TPPP: variants seen among roughly 807,000 people sequenced by gnomAD.
TPPP encodes tubulin polymerization promoting protein.
TPPP carries 6 observed loss-of-function variants against 15.5 expected under a neutral mutation model. That is an observed-to-expected ratio of 0.39 (90% CI 0.21 to 0.77). The LOEUF (loss-of-function observed/expected upper bound fraction) is 0.77. TPPP is among the 30% of genes least tolerant of loss of function. The pLI is 0.42. For synonymous variants in TPPP, 146 were observed against 133.9 expected, an observed-to-expected ratio of 1.09 and a Z score of -0.63; for missense variants, 269 against 307.2, an observed-to-expected ratio of 0.88 and a Z score of 0.93.
At chr5:700,300 A>T in the TPPP span, among the ~76,000 whole-genome samples, 11,698 of 151,404 alleles carry the variant, frequency 0.077, 1,363 homozygotes, top group African/African-American at 0.27. Flanking sequence ...AGCAACATGG[A>T]TAGAGGCCAT....
chr5:670,252 A>T (rs1357902767), intron 2 of TPPP, among the ~76,000 whole-genome samples: 1 of 152,054 alleles, frequency 6.6e-6, no homozygotes, highest in Non-Finnish European at 1.5e-5. Flanking sequence ...ACCCTTGTGA[A>T]TCAGGAATGC....
At chr5:698,148 T>C (rs1168717783), upstream of TPPP, among the ~76,000 whole-genome samples, 2 of 150,834 alleles carry the variant, frequency 1.3e-5, no homozygotes, top group African/African-American at 4.9e-5. Flanking sequence ...AAATGAGGCA[T>C]AGAAGGAACA....
chr5:688,920 G>A (rs1412980626), intron 1 of TPPP, among the ~76,000 whole-genome samples: 2 of 117,854 alleles, frequency 1.7e-5, no homozygotes, highest in Admixed American at 8.3e-5. Context: ...GCTGTGCAGC[G>A]GTGCCCTGGG....
At chr5:682,848 C>T (rs1237744613) in intron 1 of TPPP, among the ~76,000 whole-genome samples, 2 of 152,226 alleles carry the variant, frequency 1.3e-5, no homozygotes, top group East Asian at 1.9e-4. Flanking sequence ...GGTGGACAGG[C>T]TGTGCTCACA....
chr5:668,500 G>A (rs1740045792), intron 2 of TPPP, among the ~76,000 whole-genome samples: 2 of 151,850 alleles, frequency 1.3e-5, no homozygotes, highest in South Asian at 2.1e-4. Context: ...AAGTGCAGAT[G>A]GAAACCACAG....
At chr5:669,564 C>T (rs1740120265) in intron 2 of TPPP, among the ~76,000 whole-genome samples, 1 of 152,186 alleles carries the variant, frequency 6.6e-6, no homozygotes, top group Non-Finnish European at 1.5e-5. Flanking sequence ...CATGCGGACG[C>T]CAGGCCTGAC....
At position 660,597 on chromosome 5, in the gene TPPP, G is replaced by A. The variant is rs1201137578; in HGVS notation, c.*4505C>T. The A allele has an allele frequency of 6.6e-6, 1 of 152,504 alleles. No individual in the cohort carries two copies. Among genetic ancestry groups the A allele is most frequent in the East Asian group, 1.9e-4 (1 of 5,286 alleles). The allele number at this position is 152,504 out of a possible 1,614,324, so 9.4% of individuals were successfully genotyped here. A position where few individuals can be genotyped will look rare whatever the true frequency, so the allele number is the denominator to read the frequency against. On this transcript the variant is annotated 3_prime_UTR_variant, in exon 4 of 4. Transcript: ENST00000360578. ...GTGGGAGGGTGGCCAGTGCACGCGT[G>A]ATTGCCCACAGGAGGAGATGAGCTG...
At chr5:672,165 G>A (rs990740834) in intron 2 of TPPP, among the ~76,000 whole-genome samples, 11 of 152,190 alleles carry the variant, frequency 7.2e-5, no homozygotes, top group Non-Finnish European at 1.5e-4. Flanking sequence ...GTGTCCTACC[G>A]GCCCTCCACA....
intron 2 of TPPP, 59 bp downstream of exon 2, chr5:677,691 C>T: frequency 1.4e-6 from 2 of 1,474,074 alleles, no homozygotes; most frequent in South Asian, 1.3e-5. Context: ...CACCCAGGGG[C>T]TCAGGGCCGC....
At position 673,883 on chromosome 5, in the gene TPPP, A is replaced by G. The variant is rs142633949; in HGVS notation, c.311+3867T>C. On this transcript the variant is annotated intron_variant, in intron 2 of 3. Transcript: ENST00000360578. Reference sequence around the variant, plus strand: ...AGGCAGGGCTCCCATCATTCTCCAAATGAGCCACAGCCACCCAGCCCCACC... The same window carrying G: ...AGGCAGGGCTCCCATCATTCTCCAAGTGAGCCACAGCCACCCAGCCCCACC... 7.1e-4 allele frequency among the ~76,000 whole-genome samples: 108 copies of G among 152,284 alleles called. 1 individual carries two copies. The highest frequency in any genetic ancestry group is 1.2e-3 in the Non-Finnish European group (79 of 68,006).
intron 2 of TPPP, among the ~76,000 whole-genome samples, chr5:676,979 A>G (rs1740466961): frequency 8.5e-6 from 1 of 118,084 alleles, no homozygotes; most frequent in African/African-American, 2.6e-5. Context: ...AAACGCACAC[A>G]CGACGCAGAA....
At chr5:682,247 G>C (rs923023724) in intron 1 of TPPP, among the ~76,000 whole-genome samples, 18 of 144,370 alleles carry the variant, frequency 1.2e-4, no homozygotes, top group Non-Finnish European at 6.0e-5. Flanking sequence ...GGACTGACTG[G>C]GCTCTGTCAC....
In TPPP at chr5:662,916, G is replaced by A. The variant is rs1232281065; in HGVS notation, c.*2186C>T. ...TGCTCGTCTGTGATCGGGCGATTCT[G>A]GTGACCGCTCGTCTGTGATCGGGTG... On this transcript the variant is annotated 3_prime_UTR_variant, in exon 4 of 4. Coordinates refer to ENST00000360578, the MANE Select transcript of TPPP (RefSeq NM_007030.3). The A allele has an allele frequency of 6.9e-6, 1 of 143,914 alleles. No homozygotes were observed. Among genetic ancestry groups the A allele is most frequent in the Non-Finnish European group, 1.5e-5 (1 of 66,556 alleles). The allele number at this position is 143,914 out of a possible 1,614,324, so 8.9% of individuals were successfully genotyped here. A position where few individuals can be genotyped will look rare whatever the true frequency, so the allele number is the denominator to read the frequency against.
chr5:682,387 C>T, intron 1 of TPPP, among the ~76,000 whole-genome samples: 1 of 150,302 alleles, frequency 6.7e-6, no homozygotes, highest in Non-Finnish European at 1.5e-5. Context: ...CCCCTTGGGC[C>T]TGGAGCCTGT....
At chr5:699,075 T>A in the TPPP span, among the ~76,000 whole-genome samples, 1 of 151,652 alleles carries the variant, frequency 6.6e-6, no homozygotes, top group Admixed American at 6.6e-5. Context: ...TTGTTAAAAA[T>A]TATCATACTG....
rs1740854645 is a variant in TPPP at position 691,274 on chromosome 5, A to G, written c.-5+2004T>C. 3.8e-5 allele frequency among the ~76,000 whole-genome samples: 2 copies of G among 52,250 alleles called. 1 individual carries two copies. Among genetic ancestry groups the G allele is most frequent in the South Asian group, 1.0e-3 (2 of 1,920 alleles). 34.3% of individuals were successfully genotyped at this position (52,250 alleles called of 152,430 possible). A position where few individuals can be genotyped will look rare whatever the true frequency, so the allele number is the denominator to read the frequency against. Reference sequence around the variant, plus strand: ...GTTCAAGGCGGCGGCATCAGGCTGCAGCTGCCTCACTCCCCTCCACTTCCT... The same window carrying G: ...GTTCAAGGCGGCGGCATCAGGCTGCGGCTGCCTCACTCCCCTCCACTTCCT... On this transcript the variant is annotated intron_variant, in intron 1 of 3. Transcript: ENST00000360578.
upstream of TPPP, among the ~76,000 whole-genome samples, chr5:697,894 C>T (rs1237599097): frequency 6.9e-6 from 1 of 144,582 alleles, no homozygotes; most frequent in Non-Finnish European, 1.5e-5. Flanking sequence ...AAAGAAAACT[C>T]CAGATCAATA....
At chr5:675,558 AGTGTG>A in intron 2 of TPPP, among the ~76,000 whole-genome samples, 1 of 55,754 alleles carries the variant, frequency 1.8e-5, no homozygotes, top group East Asian at 4.3e-4. Context: ...CCGGGGGTGC[AGTGTG>A]GCTGGGGGTG....
chr5:674,441 C>T (rs995273077), intron 2 of TPPP, among the ~76,000 whole-genome samples: 2 of 150,916 alleles, frequency 1.3e-5, no homozygotes, highest in Admixed American at 6.6e-5. Context: ...GCGAACCCCA[C>T]CTGCTTCTGC....
Sources: allele counts gnomAD v4.1 joint callset (sites outside exome capture counted in the v4.1 genomes callset), GRCh38; gene constraint gnomAD v4.1.1; transcripts MANE v1.5; gene names NCBI Gene and HGNC (gene_info 2026-07-23, HGNC 2026-07-21).